Variants in ARHGEF28 observed in about 807,000 individuals in gnomAD.
ARHGEF28 encodes the protein Rho guanine nucleotide exchange factor 28.
A neutral mutation model predicts 206.6 loss-of-function variants in ARHGEF28; 152 were observed. The ratio of observed to expected loss-of-function variants is 0.74; its 90% CI spans 0.64 to 0.84. ARHGEF28 has a LOEUF of 0.84. ARHGEF28 is among the 40% of genes least tolerant of loss of function. The pLI is 0.00. For synonymous variants in ARHGEF28, 763 were observed against 776.4 expected, an observed-to-expected ratio of 0.98 and a Z score of 0.29; for missense variants, 2,028 against 2,073.2, an observed-to-expected ratio of 0.98 and a Z score of 0.42.
chr5:73,939,884 CTTTAAATTTTTTTTTAAT>C (rs1466784275), intron 35 of ARHGEF28, among the ~76,000 whole-genome samples: 1 of 151,796 alleles, frequency 6.6e-6, no homozygotes, highest in Non-Finnish European at 1.5e-5. Context: ...TCTTTATGTT[CTTTAAATTTTTTTTTAAT>C]TTTAATTTTT....
intron 2 of ARHGEF28, among the ~76,000 whole-genome samples, chr5:73,742,244 T>TA (rs566717377): frequency 3.0e-4 from 46 of 152,120 alleles, no homozygotes; most frequent in Middle Eastern, 3.4e-3. Flanking sequence ...GTTTTTAGAT[T>TA]AAAAAAAATC....
chr5:73,750,050 A>G, intron 3 of ARHGEF28, 66 bp downstream of exon 3: 1 of 1,569,290 alleles, frequency 6.4e-7, no homozygotes, highest in Non-Finnish European at 8.6e-7. Context: ...CCAGGGCTGT[A>G]GGCCAGGAAG....
chr5:73,799,616 G>A (rs1421207329), intron 9 of ARHGEF28, among the ~76,000 whole-genome samples: 1 of 152,068 alleles, frequency 6.6e-6, no homozygotes, highest in Non-Finnish European at 1.5e-5. Context: ...TGATTTTCCT[G>A]CAATAATATA....
chr5:73,764,705 A>G (rs1752803344), intron 4 of ARHGEF28, among the ~76,000 whole-genome samples: 1 of 152,216 alleles, frequency 6.6e-6, no homozygotes, highest in Non-Finnish European at 1.5e-5. Context: ...CAGCCATGCC[A>G]ACCATGTTGG....
At chr5:73,767,587 A>C (rs1752967032) in intron 4 of ARHGEF28, among the ~76,000 whole-genome samples, 1 of 152,164 alleles carries the variant, frequency 6.6e-6, no homozygotes, top group Non-Finnish European at 1.5e-5. Flanking sequence ...GATTTAGGGC[A>C]TCTGGCGGAA....
chr5:73,859,111 T>C (rs1231826078), intron 16 of ARHGEF28, among the ~76,000 whole-genome samples: 1 of 152,184 alleles, frequency 6.6e-6, no homozygotes, highest in African/African-American at 2.4e-5. Context: ...TCCTGGCATT[T>C]TTTCCCATTA....
intron 9 of ARHGEF28, among the ~76,000 whole-genome samples, chr5:73,826,507 A>C (rs918281347): frequency 6.6e-6 from 1 of 152,198 alleles, no homozygotes; most frequent in Admixed American, 6.5e-5. Context: ...AAACTGCCTT[A>C]GCTGGGTTTG....
At position 73,922,005 on chromosome 5, in the gene ARHGEF28, C is replaced by T. The variant is rs770213870; in HGVS notation, c.4948+10430C>T. On this transcript the variant is annotated intron_variant, in intron 35 of 35. Coordinates refer to ENST00000513042, the MANE Select transcript of ARHGEF28 (RefSeq NM_001177693.2). ...CATAAATCCACCAGAAACAAAAAAACAGGAATTGCATGCTCAAAGACTTCC... is the reference window on the plus strand; with the variant it reads ...CATAAATCCACCAGAAACAAAAAAATAGGAATTGCATGCTCAAAGACTTCC... Among the ~76,000 whole-genome samples the T allele has an allele frequency of 7.2e-5, 11 of 152,292 alleles. No individual in the cohort carries two copies. The East Asian group carries it at 1.5e-3, about 21-fold the overall frequency.
At chr5:73,927,391 C>T (rs890949149) in intron 35 of ARHGEF28, among the ~76,000 whole-genome samples, 1 of 152,088 alleles carries the variant, frequency 6.6e-6, no homozygotes, top group African/African-American at 2.4e-5. Flanking sequence ...CTTTAGGATC[C>T]AGTGCTAGTC....
chr5:73,845,011 A>ATTTTTTT (rs70973277), intron 11 of ARHGEF28, among the ~76,000 whole-genome samples: 20 of 99,362 alleles, frequency 2.0e-4, no homozygotes, highest in Admixed American at 3.4e-4. Flanking sequence ...CAAAGGAATC[A>ATTTTTTT]TTTTTTTTTT....
Position 73,864,291 on chromosome 5 carries a change from G to T in ARHGEF28, c.2048-526G>T, listed in dbSNP as rs549067369. On this transcript the variant is annotated intron_variant, in intron 16 of 35. Transcript: ENST00000513042. ...CATTGTTTATGATATAAAACAATGG[G>T]CACAGGGCTAACATTTCTCATTTAA... 6.5e-4 allele frequency among the ~76,000 whole-genome samples: 99 copies of T among 152,310 alleles called. 1 individual carries two copies. The highest frequency in any genetic ancestry group is 3.4e-3 in the Middle Eastern group (1 of 294).
chr5:73,737,487 C>T (rs1438827022), intron 2 of ARHGEF28, among the ~76,000 whole-genome samples: 13 of 118,638 alleles, frequency 1.1e-4, no homozygotes, highest in Non-Finnish European at 1.4e-4. Context: ...CTTTTCTTTT[C>T]TTTTCTTTTC....
intron 11 of ARHGEF28, among the ~76,000 whole-genome samples, chr5:73,841,799 G>A (rs1039463650): frequency 7.2e-5 from 11 of 152,078 alleles, no homozygotes; most frequent in Non-Finnish European, 1.6e-4. Context: ...TACATCTAGG[G>A]AAGGAAATAG....
intron 1 of ARHGEF28, among the ~76,000 whole-genome samples, chr5:73,642,664 G>A (rs1025435982): frequency 2.6e-5 from 4 of 151,798 alleles, no homozygotes; most frequent in African/African-American, 9.7e-5. Context: ...CGTCTTCTTG[G>A]TTCTTTTCAT....
rs570780285 is a variant in ARHGEF28 at position 73,778,756 on chromosome 5, G to A, written c.841-1920G>A. ...ATATTATTTTAAATATAAGCAGGTG[G>A]TAATTATTTTATAGGTTGTCCACAC... is the stretch of plus-strand genomic sequence containing the variant. On this transcript the variant is annotated intron_variant, in intron 6 of 35. Coordinates refer to ENST00000513042, the MANE Select transcript of ARHGEF28 (RefSeq NM_001177693.2). 3.9e-5 allele frequency among the ~76,000 whole-genome samples: 6 copies of A among 152,300 alleles called. No individual in the cohort carries two copies. In the South Asian group the frequency reaches 1.0e-3, roughly 26 times the overall value.
At chr5:73,718,239 G>A (rs1749708950) in intron 2 of ARHGEF28, among the ~76,000 whole-genome samples, 2 of 152,140 alleles carry the variant, frequency 1.3e-5, no homozygotes, top group South Asian at 4.2e-4. Flanking sequence ...ACTCAGGTAT[G>A]AAGAAGAATG....
chr5:73,855,029 C>T (rs200341473), intron 14 of ARHGEF28, among the ~76,000 whole-genome samples: 2 of 152,094 alleles, frequency 1.3e-5, no homozygotes, highest in African/African-American at 2.4e-5. Context: ...GTGATGCTAT[C>T]GGTCATCAAA....
At chr5:73,644,477 A>G (rs1247006485) in intron 1 of ARHGEF28, among the ~76,000 whole-genome samples, 1 of 152,096 alleles carries the variant, frequency 6.6e-6, no homozygotes, top group Non-Finnish European at 1.5e-5. Context: ...GAAGTTTCTA[A>G]AATGCAAACC....
chr5:73,871,565 T>C (rs1275946823), intron 21 of ARHGEF28, among the ~76,000 whole-genome samples: 1 of 152,208 alleles, frequency 6.6e-6, no homozygotes, highest in Non-Finnish European at 1.5e-5. Flanking sequence ...CACCTGTAAA[T>C]TGTGAGTTGT....
Sources: allele counts gnomAD v4.1 joint callset (sites outside exome capture counted in the v4.1 genomes callset), GRCh38; gene constraint gnomAD v4.1.1; transcripts MANE v1.5; gene names NCBI Gene and HGNC (gene_info 2026-07-23, HGNC 2026-07-21).